Variants in RALA observed in about 807,000 individuals in gnomAD.
RALA encodes RAS like proto-oncogene A, also known as ras-related protein Ral-A.
Under a neutral mutation model 24.0 loss-of-function variants are expected in RALA, and 5 were observed. The observed-to-expected ratio is 0.21, with a 90% CI of 0.11 to 0.44. The LOEUF (loss-of-function observed/expected upper bound fraction) is 0.44. Among genes scored for constraint, RALA ranks in the 20% least tolerant of loss-of-function variants. RALA has a pLI of 0.99. For synonymous variants in RALA, 77 were observed against 83.8 expected, an observed-to-expected ratio of 0.92 and a Z score of 0.44; for missense variants, 95 against 241.2, an observed-to-expected ratio of 0.39 and a Z score of 4.01.
rs774209042 is a variant in RALA, at chr7:39,625,101, G to T, written c.-38+1276G>T. Among the ~76,000 whole-genome samples the T allele has an allele frequency of 2.6e-5, 4 of 152,150 alleles. No individual in the cohort carries two copies. In the South Asian group the frequency reaches 8.3e-4, roughly 31 times the overall value. ...GCAGTATGCCTTGAACATAGAAGCT[G>T]TTCACACATTTCTGCACTGAATGAA... On this transcript the variant is annotated intron_variant, in intron 1 of 4. Coordinates refer to ENST00000005257, the MANE Select transcript of RALA (RefSeq NM_005402.4).
intron 1 of RALA, among the ~76,000 whole-genome samples, chr7:39,638,760 G>A (rs949546738): frequency 2.6e-5 from 4 of 152,218 alleles, no homozygotes; most frequent in African/African-American, 9.6e-5. Context: ...TTGTTTATCT[G>A]TTTATCAGTT....
At chr7:39,651,645 A>G (rs966780312) in intron 1 of RALA, among the ~76,000 whole-genome samples, 3 of 152,186 alleles carry the variant, frequency 2.0e-5, no homozygotes, top group Admixed American at 6.5e-5. Flanking sequence ...TTAGGCAGAA[A>G]GCCCTGGAAG....
At chr7:39,650,028 G>C (rs1284041229) in intron 1 of RALA, among the ~76,000 whole-genome samples, 1 of 152,166 alleles carries the variant, frequency 6.6e-6, no homozygotes, top group Non-Finnish European at 1.5e-5. Context: ...TGGAGACAGT[G>C]AGTTTGAGAA....
intron 1 of RALA, among the ~76,000 whole-genome samples, chr7:39,630,532 A>G (rs1384052847): frequency 6.6e-6 from 1 of 152,146 alleles, no homozygotes; most frequent in East Asian, 1.9e-4. Context: ...ATATAGTCAA[A>G]TATATAAATT....
intron 1 of RALA, among the ~76,000 whole-genome samples, chr7:39,679,656 G>A (rs370733348): frequency 1.1e-4 from 17 of 152,066 alleles, no homozygotes; most frequent in African/African-American, 3.4e-4. Flanking sequence ...TCTGTAAAAT[G>A]AATTGCAAAT....
At chr7:39,653,083 GC>G (rs1792044996) in intron 1 of RALA, among the ~76,000 whole-genome samples, 1 of 151,624 alleles carries the variant, frequency 6.6e-6, no homozygotes, top group South Asian at 2.1e-4. Context: ...AGGCTGGAGT[GC>G]AGTGGTGCGA....
intron 1 of RALA, among the ~76,000 whole-genome samples, chr7:39,679,643 T>G (rs1792551525): frequency 6.6e-6 from 1 of 152,194 alleles, no homozygotes; most frequent in Admixed American, 6.5e-5. Flanking sequence ...AAATCATCTC[T>G]TATCTGTAAA....
chr7:39,671,149 C>T (rs930548257), intron 1 of RALA, among the ~76,000 whole-genome samples: 1 of 152,132 alleles, frequency 6.6e-6, no homozygotes, highest in African/African-American at 2.4e-5. Context: ...TGTAGCCTTC[C>T]ACCTGTTCTT....
rs949020911 is a variant in RALA at position 39,690,648 on chromosome 7, GA to G, written c.323+61del. The G allele has an allele frequency of 9.7e-6, 13 of 1,335,808 alleles. No homozygotes were observed. The African/African-American group carries it at 1.0e-4, about 11-fold the overall frequency. The allele number at this position is 1,335,808 out of a possible 1,614,324, so 82.7% of individuals were successfully genotyped here. A position where few individuals can be genotyped will look rare whatever the true frequency, so the allele number is the denominator to read the frequency against. On this transcript the variant is annotated intron_variant, in intron 3 of 4. Coordinates refer to ENST00000005257, the MANE Select transcript of RALA (RefSeq NM_005402.4). Reference sequence around the variant, plus strand: ...ATACTATACAACAATTTCTTCCCCAGAAACAAGTAGACAACTAGAGGTTCTA... The same window carrying G: ...ATACTATACAACAATTTCTTCCCCAGAACAAGTAGACAACTAGAGGTTCTA...
At chr7:39,699,911 G>A (rs903023982) in intron 4 of RALA, among the ~76,000 whole-genome samples, 11 of 151,988 alleles carry the variant, frequency 7.2e-5, no homozygotes, top group Non-Finnish European at 1.2e-4. Flanking sequence ...GATGCAGTCT[G>A]CCTCCATGTC....
At chr7:39,683,040 A>G (rs1199565704) in intron 1 of RALA, among the ~76,000 whole-genome samples, 1 of 152,162 alleles carries the variant, frequency 6.6e-6, no homozygotes, top group East Asian at 1.9e-4. Flanking sequence ...GGCCCCCATG[A>G]TGAGACTGGT....
intron 1 of RALA, among the ~76,000 whole-genome samples, chr7:39,675,961 G>A (rs1044728005): frequency 3.9e-5 from 6 of 151,952 alleles, no homozygotes; most frequent in African/African-American, 1.5e-4. Context: ...GATAGGGGCA[G>A]AACTTTAATG....
intron 4 of RALA, among the ~76,000 whole-genome samples, chr7:39,702,298 TCATA>T (rs1478958071): frequency 2.6e-5 from 4 of 152,180 alleles, no homozygotes; most frequent in Non-Finnish European, 4.4e-5. Context: ...TTAAAAGCAG[TCATA>T]CATATCTCTA....
chr7:39,703,620 G>T (rs1377099058), intron 4 of RALA, among the ~76,000 whole-genome samples: 1 of 152,142 alleles, frequency 6.6e-6, no homozygotes, highest in East Asian at 1.9e-4. Flanking sequence ...TACATAATTT[G>T]CTTGTTGCTA....
At chr7:39,649,271 A>T (rs1791979150) in intron 1 of RALA, among the ~76,000 whole-genome samples, 1 of 152,180 alleles carries the variant, frequency 6.6e-6, no homozygotes, top group Non-Finnish European at 1.5e-5. Context: ...TGTGAATCTG[A>T]TGTTCAGGGG....
At chr7:39,628,594 C>G (rs990673322) in intron 1 of RALA, among the ~76,000 whole-genome samples, 6 of 152,240 alleles carry the variant, frequency 3.9e-5, no homozygotes, top group African/African-American at 1.4e-4. Flanking sequence ...CTCGCTCTTT[C>G]ACCCGTGCTG....
chr7:39,706,260 C>T lies in RALA; in HGVS notation c.*15C>T. 1 of 1,600,056 alleles carries T rather than the reference C, an allele frequency of 6.2e-7. No individual in the cohort carries two copies. Among genetic ancestry groups the T allele is most frequent in the Non-Finnish European group, 8.5e-7 (1 of 1,176,152 alleles). ...GCATTTTATAATCAAAGCCCAAACT[C>T]CTTTCTTATCTTGACCATACTAATA... On this transcript the variant is annotated 3_prime_UTR_variant, in exon 5 of 5. Coordinates refer to ENST00000005257, the MANE Select transcript of RALA (RefSeq NM_005402.4).
intron 1 of RALA, among the ~76,000 whole-genome samples, chr7:39,669,147 G>A (rs1792338400): frequency 6.6e-6 from 1 of 152,030 alleles, no homozygotes; most frequent in African/African-American, 2.4e-5. Context: ...ATACAAGTGG[G>A]ACGTAAGTAG....
intron 1 of RALA, among the ~76,000 whole-genome samples, chr7:39,648,287 T>G (rs1562611019): frequency 6.6e-6 from 1 of 152,190 alleles, no homozygotes; most frequent in Admixed American, 6.5e-5. Context: ...GCCCATTGAC[T>G]TATACTCTAG....
Sources: allele counts gnomAD v4.1 joint callset (sites outside exome capture counted in the v4.1 genomes callset), GRCh38; gene constraint gnomAD v4.1.1; transcripts MANE v1.5; gene names NCBI Gene and HGNC (gene_info 2026-07-23, HGNC 2026-07-21).